The following USP44 variants were observed in gnomAD, a reference collection of about 807,000 sequenced individuals.
USP44 encodes the protein ubiquitin carboxyl-terminal hydrolase 44.
In USP44, 61 loss-of-function variants were observed where a neutral mutation model predicts 69.0. That is an observed-to-expected ratio of 0.88 (90% CI 0.72 to 1.09). The LOEUF is 1.09. USP44 is among the 50% of genes least tolerant of loss of function. USP44 has a pLI of 0.00. For synonymous variants in USP44, 297 were observed against 295.4 expected (o/e 1.01, Z -0.06); for missense variants, 753 against 849.9 (o/e 0.89, Z 1.42).
In USP44 at chr12:95,517,770, A is replaced by T. The variant is rs1305896907; in HGVS notation, c.*384T>A. The T allele has an allele frequency of 5.8e-6, 1 of 172,510 alleles. No individual in the cohort carries two copies. Among genetic ancestry groups the T allele is most frequent in the Non-Finnish European group, 1.3e-5 (1 of 79,878 alleles). The allele number at this position is 172,510 out of a possible 1,614,324, so 10.7% of individuals were successfully genotyped here. Reference sequence around the variant, plus strand: ...ACAAATGAAAGACTATTAGTGACCAAAGTAGAGTCTAATTTTCCATCTATT... The same window carrying T: ...ACAAATGAAAGACTATTAGTGACCATAGTAGAGTCTAATTTTCCATCTATT... On this transcript the variant is annotated 3_prime_UTR_variant, in exon 6 of 6. Coordinates refer to ENST00000258499, the MANE Select transcript of USP44 (RefSeq NM_032147.5).
At position 95,521,184 on chromosome 12, in the gene USP44, G is replaced by A. The variant is rs1189939066; in HGVS notation, c.1752C>T (p.Asn584=). The part of the protein sequence containing the change: ...LKRFRWSGRN[N]REKIGVHVGF... ...CAACATGAACACCAATCTTCTCTCG[G>A]TTATTACGTCCTGACCACCTGTGAA... Residue 584 remains asparagine (N), a synonymous_variant, in exon 5 of 6, where the codon AAC becomes AAT. Coordinates refer to ENST00000258499, the MANE Select transcript of USP44 (RefSeq NM_032147.5). The A allele has an allele frequency of 1.2e-6, 2 of 1,614,098 alleles. No individual in the cohort carries two copies. The highest frequency in any genetic ancestry group is 8.5e-7 in the Non-Finnish European group (1 of 1,180,020).
intron 1 of USP44, among the ~76,000 whole-genome samples, chr12:95,543,299 G>C (rs1317791468): frequency 6.6e-6 from 1 of 151,104 alleles, no homozygotes; most frequent in Non-Finnish European, 1.5e-5. Context: ...TACTCGGGAG[G>C]CTGAGTCAGG....
chr12:95,538,909 G>A (rs941469138), intron 1 of USP44, among the ~76,000 whole-genome samples: 12 of 152,204 alleles, frequency 7.9e-5, no homozygotes, highest in African/African-American at 2.9e-4. Flanking sequence ...CTAATCCACC[G>A]CTGTGAAGCT....
rs2076480652 is a variant in USP44 at position 95,516,692 on chromosome 12, ATT to A, written c.*1460_*1461del. 6.6e-6 allele frequency: 1 copy of A among 152,126 alleles called. No homozygotes were observed. The highest frequency in any genetic ancestry group is 1.5e-5 in the Non-Finnish European group (1 of 68,022). The allele number at this position is 152,126 out of a possible 1,614,324, so 9.4% of individuals were successfully genotyped here. On this transcript the variant is annotated 3_prime_UTR_variant, in exon 6 of 6. Transcript: ENST00000258499. ...TCCAGATGTATTTTCGGCACAAATG[ATT>A]TGTCTATTCAGTGATAAAAGTCTCA...
At chr12:95,532,554 T>A (rs1294087313) in intron 2 of USP44, among the ~76,000 whole-genome samples, 1 of 152,136 alleles carries the variant, frequency 6.6e-6, no homozygotes, top group Admixed American at 6.5e-5. Context: ...ATCCCTCAGA[T>A]AATGAATGTA....
At chr12:95,542,598 C>G (rs1024532695) in intron 1 of USP44, among the ~76,000 whole-genome samples, 2 of 151,814 alleles carry the variant, frequency 1.3e-5, no homozygotes, top group Non-Finnish European at 2.9e-5. Context: ...CCTGTCTCTA[C>G]TAAAAATACA....
At position 95,528,967 on chromosome 12, in the gene USP44, GGTATTT is replaced by G; in HGVS notation, c.1458_1463del (p.Asn487_Thr488del). ...ATGACAAGTCCCAGAAAGGTTCTAT[GGTATTT>G]GATTTGTTGTCACATGCAAGACATG... is the stretch of plus-strand genomic sequence containing the variant. On this transcript the variant is annotated inframe_deletion, in exon 3 of 6. Transcript: ENST00000258499. 6.2e-7 allele frequency: 1 copy of G among 1,613,130 alleles called. No homozygotes were observed. The highest frequency in any genetic ancestry group is 1.1e-5 in the South Asian group (1 of 90,878).
chr12:95,539,473 G>A (rs533759185), intron 1 of USP44, among the ~76,000 whole-genome samples: 3 of 152,172 alleles, frequency 2.0e-5, no homozygotes, highest in South Asian at 2.1e-4. Flanking sequence ...TGATCTGCCC[G>A]CCTCGGCCTC....
chr12:95,530,026 GA>G (rs762702344), intron 2 of USP44, among the ~76,000 whole-genome samples: 85 of 152,194 alleles, frequency 5.6e-4, no homozygotes, highest in Non-Finnish European at 9.8e-4. Context: ...TAACTTCAGT[GA>G]AACATTCAGC....
chr12:95,532,700 T>TA (rs1455057494), intron 2 of USP44, 129 bp downstream of exon 2: 1 of 747,804 alleles, frequency 1.3e-6, no homozygotes, highest in Non-Finnish European at 2.1e-6. Context: ...TACATATTTA[T>TA]AAAAACAATC....
chr12:95,518,176 G>C lies in USP44; in HGVS notation c.2117C>G (p.Ser706Trp). Reference protein sequence around the residue: ...SQHPNEDADTSSNEILS With the variant: ...SQHPNEDADTWSNEILS ...GGATCAGCTAAGGATTTCATTAGAC[G>C]AGGTATCAGCGTCTTCATTGGGATG... Residue 706 changes from serine (S) to tryptophan (W), a missense_variant, in exon 6 of 6, where the codon TCG (serine) becomes TGG (tryptophan). Physicochemically the swap from Ser to Trp is radical, Grantham distance 177. Coordinates refer to ENST00000258499, the MANE Select transcript of USP44 (RefSeq NM_032147.5). 1 of 1,614,116 alleles carries C rather than the reference G, an allele frequency of 6.2e-7. No homozygotes were observed.
intron 2 of USP44, 96 bp downstream of exon 2, chr12:95,532,733 T>C: frequency 9.7e-7 from 1 of 1,028,414 alleles, no homozygotes; most frequent in Non-Finnish European, 1.4e-6. Context: ...AAAATGGTAC[T>C]AGCTCAACAC....
chr12:95,537,382 T>A (rs183830789), intron 1 of USP44, among the ~76,000 whole-genome samples: 5 of 152,198 alleles, frequency 3.3e-5, no homozygotes, highest in Non-Finnish European at 5.9e-5. Flanking sequence ...GCAGGGGTGC[T>A]ATCTTAGCTC....
Position 95,538,544 on chromosome 12 carries a change from G to GC in USP44, c.-70-4219_-70-4218insG, listed in dbSNP as rs1555202931. On this transcript the variant is annotated intron_variant, in intron 1 of 5. Coordinates refer to ENST00000258499, the MANE Select transcript of USP44 (RefSeq NM_032147.5). The stretch of plus-strand genomic sequence containing the variant: ...TCCCAGGGGAATTTGCATTTTAAAA[G>GC]GGGGGGGTCTCTCAAAGATAAAATC... 5.3e-3 allele frequency among the ~76,000 whole-genome samples: 124 copies of GC among 23,294 alleles called. No individual in the cohort carries two copies. The African/African-American group carries it at 0.11, about 21-fold the overall frequency. 15.3% of individuals were successfully genotyped at this position (23,294 alleles called of 152,430 possible). A position where few individuals can be genotyped will look rare whatever the true frequency, so the allele number is the denominator to read the frequency against.
chr12:95,530,659 A>C (rs1422388136), intron 2 of USP44, among the ~76,000 whole-genome samples: 1 of 125,680 alleles, frequency 8.0e-6, no homozygotes, highest in Admixed American at 7.4e-5. Flanking sequence ...AGATAGATAG[A>C]TAGATAGATA....
Position 95,533,250 on chromosome 12 carries a change from T to G in USP44, c.1007A>C (p.Glu336Ala). 1 of 1,614,182 alleles carries G rather than the reference T, an allele frequency of 6.2e-7. No homozygotes were observed. Among genetic ancestry groups the G allele is most frequent in the Non-Finnish European group, 8.5e-7 (1 of 1,180,026 alleles). Reference sequence around the variant, plus strand: ...AAAACCTGTATCTTTTTCCTGACATTCATTCATTTGATATACTACTGTATC... The same window carrying G: ...AAAACCTGTATCTTTTTCCTGACATGCATTCATTTGATATACTACTGTATC... The part of the protein sequence containing the change: ...VTDTVVYQMN[E>A]CQEKDTGFVC... The change falls in exon 2 of 6, where the codon GAA (glutamate) becomes GCA (alanine). Residue 336 changes from glutamate to alanine, a missense_variant. Coordinates refer to ENST00000258499, the MANE Select transcript of USP44 (RefSeq NM_032147.5).
rs539831220 is a variant in USP44 at position 95,519,607 on chromosome 12, A to AT, written c.1940-1255dup. 3.2e-3 allele frequency among the ~76,000 whole-genome samples: 458 copies of AT among 145,090 alleles called. 6 individuals carry two copies. The highest frequency in any genetic ancestry group is 8.8e-3 in the African/African-American group (351 of 39,882). ...AGGCACCCGCCACCACGCCCGGCTAATTTTTTTTTTTTATTTTTAGTAGAG... is the reference window on the plus strand; with the variant it reads ...AGGCACCCGCCACCACGCCCGGCTAATTTTTTTTTTTTTATTTTTAGTAGAG... On this transcript the variant is annotated intron_variant, in intron 5 of 5. Coordinates refer to ENST00000258499, the MANE Select transcript of USP44 (RefSeq NM_032147.5).
At chr12:95,522,194 G>A (rs2076687842) in intron 4 of USP44, 1 of 749,350 alleles carries the variant, frequency 1.3e-6, no homozygotes, top group East Asian at 1.3e-4. Flanking sequence ...AGAGAGACAA[G>A]GCAGACATAG....
intron 1 of USP44, among the ~76,000 whole-genome samples, chr12:95,534,928 G>A (rs193013418): frequency 3.8e-4 from 58 of 152,248 alleles, no homozygotes; most frequent in Non-Finnish European, 5.9e-4. Flanking sequence ...TCATCTACCC[G>A]CCTTGGCCTC....
Sources: allele counts gnomAD v4.1 joint callset (sites outside exome capture counted in the v4.1 genomes callset), GRCh38; gene constraint gnomAD v4.1.1; transcripts MANE v1.5; gene names NCBI Gene and HGNC (gene_info 2026-07-23, HGNC 2026-07-21).